FAM241B: variants seen among roughly 807,000 people sequenced by gnomAD.
FAM241B encodes the protein family with sequence similarity 241 member B.
A neutral mutation model predicts 9.3 loss-of-function variants in FAM241B; 7 were observed. The observed-to-expected ratio is 0.75, with a 90% CI of 0.43 to 1.41. FAM241B has a LOEUF of 1.41. Among genes scored for constraint, FAM241B ranks in the 40% most tolerant of loss-of-function variants. The probability of loss-of-function intolerance (pLI) is 0.01; values close to 1 mark genes in which losing one functional copy is unlikely to be tolerated. For missense variants in FAM241B, 136 were observed against 159.6 expected, an observed-to-expected ratio of 0.85 and a Z score of 0.80; for synonymous variants, 60 against 64.1, an observed-to-expected ratio of 0.94 and a Z score of 0.31.
chr10:69,630,903 T>C (rs748581051), intron 1 of FAM241B, among the ~76,000 whole-genome samples: 12 of 152,180 alleles, frequency 7.9e-5, no homozygotes, highest in Non-Finnish European at 1.5e-4. Context: ...AGGTGTGCTC[T>C]TCCGAGGCGC....
Position 69,632,973 on chromosome 10 carries a change from C to T in FAM241B, c.280C>T (p.Leu94Phe). ...HAVEPVTSILLLFLLMMLGVR... is the reference protein window; with the variant it reads ...HAVEPVTSILFLFLLMMLGVR... ...TGTGGAGCCGGTGACCTCCATCCTGCTCCTCTTCCTGCTCATGATGCTTGG... is the reference window on the plus strand; with the variant it reads ...TGTGGAGCCGGTGACCTCCATCCTGTTCCTCTTCCTGCTCATGATGCTTGG... The change falls in exon 4 of 4, where the codon CTC (leucine) becomes TTC (phenylalanine). Residue 94 changes from leucine (L) to phenylalanine (F), a missense_variant. Coordinates refer to ENST00000373279, the MANE Select transcript of FAM241B (RefSeq NM_145306.3). 6.2e-7 allele frequency: 1 copy of T among 1,614,138 alleles called. No individual in the cohort carries two copies. The highest frequency in any genetic ancestry group is 8.5e-7 in the Non-Finnish European group (1 of 1,179,968).
rs978953377 is a variant in FAM241B, at chr10:69,633,393, T to C, written c.*334T>C. ...AGATCTCAGCTGGATGCCAACATGTTCCGATGCCTGTGGAAGACATGCCGA... is the reference window on the plus strand; with the variant it reads ...AGATCTCAGCTGGATGCCAACATGTCCCGATGCCTGTGGAAGACATGCCGA... On this transcript the variant is annotated 3_prime_UTR_variant, in exon 4 of 4. Transcript: ENST00000373279. The C allele has an allele frequency of 5.7e-6, 2 of 353,312 alleles. No individual in the cohort carries two copies. The highest frequency in any genetic ancestry group is 4.5e-5 in the Admixed American group (1 of 22,326). The allele number at this position is 353,312 out of a possible 1,614,324, so 21.9% of individuals were successfully genotyped here.
In FAM241B at chr10:69,633,386, A is replaced by G. The variant is rs115307239; in HGVS notation, c.*327A>G. The G allele has an allele frequency of 8.3e-4, 310 of 371,744 alleles. 2 individuals carry two copies. The highest frequency in any genetic ancestry group is 6.0e-3 in the African/African-American group (294 of 48,826). The allele number at this position is 371,744 out of a possible 1,614,324, so 23.0% of individuals were successfully genotyped here. ...GCCGAGAAGATCTCAGCTGGATGCC[A>G]ACATGTTCCGATGCCTGTGGAAGAC... On this transcript the variant is annotated 3_prime_UTR_variant, in exon 4 of 4. Coordinates refer to ENST00000373279, the MANE Select transcript of FAM241B (RefSeq NM_145306.3).
At position 69,632,800 on chromosome 10, in the gene FAM241B, A is replaced by G. The variant is rs779021457; in HGVS notation, c.107A>G (p.Asn36Ser). 3.8e-5 allele frequency: 61 copies of G among 1,613,178 alleles called. No homozygotes were observed. In the Admixed American group the frequency reaches 3.8e-4, roughly 10 times the overall value. The change falls in exon 4 of 4, where the codon AAC becomes AGC. Residue 36 changes from asparagine to serine, a missense_variant. Asn to Ser is a conservative substitution (Grantham distance 46, BLOSUM62 1). Coordinates refer to ENST00000373279, the MANE Select transcript of FAM241B (RefSeq NM_145306.3). Reference sequence around the variant, plus strand: ...GTCTTCACATTCCAGAGCTTCTTCAACAGGGGCCATGGTGCTCCCCCAGGG... The same window carrying G: ...GTCTTCACATTCCAGAGCTTCTTCAGCAGGGGCCATGGTGCTCCCCCAGGG... ...RGSIPRQSFF[N>S]RGHGAPPGGP... is the part of the protein sequence containing the mutation.
At chr10:69,632,675 G>A (rs1839849715) in intron 3 of FAM241B, 115 bp from the exon 4 acceptor site, 2 of 1,193,054 alleles carry the variant, frequency 1.7e-6, no homozygotes, top group Admixed American at 2.4e-5. Context: ...GCTGAGAAAG[G>A]AGGGTGTGAC....
intron 3 of FAM241B, 77 bp from the exon 4 acceptor site, chr10:69,632,713 G>A: frequency 6.6e-7 from 1 of 1,506,602 alleles, no homozygotes. Flanking sequence ...AGGGCAGGAT[G>A]CAGCCTAGAG....
At position 69,633,191 on chromosome 10, in the gene FAM241B, T is replaced by G; in HGVS notation, c.*132T>G. The G allele has an allele frequency of 1.5e-6, 2 of 1,332,512 alleles. No individual in the cohort carries two copies. Among genetic ancestry groups the G allele is most frequent in the Admixed American group, 3.9e-5 (2 of 51,252 alleles). 82.5% of individuals were successfully genotyped at this position (1,332,512 alleles called of 1,614,324 possible). A position where few individuals can be genotyped will look rare whatever the true frequency, so the allele number is the denominator to read the frequency against. ...AGAGAGGGGACCACAGGTGTGTGTTTCCCCTTTGTGTTAAGCGTGAGGCAG... is the reference window on the plus strand; with the variant it reads ...AGAGAGGGGACCACAGGTGTGTGTTGCCCCTTTGTGTTAAGCGTGAGGCAG... On this transcript the variant is annotated 3_prime_UTR_variant, in exon 4 of 4. Transcript: ENST00000373279.
chr10:69,632,175 G>A (rs980630844), intron 3 of FAM241B, among the ~76,000 whole-genome samples: 1 of 152,042 alleles, frequency 6.6e-6, no homozygotes, highest in Non-Finnish European at 1.5e-5. Context: ...CATTTTAAAG[G>A]GGTGGCTGGG....
chr10:69,631,587 A>C (rs1049733900), intron 2 of FAM241B, 40 bp downstream of exon 2: 1 of 1,547,448 alleles, frequency 6.5e-7, no homozygotes, highest in Non-Finnish European at 8.7e-7. Context: ...TCAGGGGGAA[A>C]ATCCTCCACA....
chr10:69,631,946 G>T (rs1204511583), intron 3 of FAM241B, 107 bp downstream of exon 3: 2 of 971,154 alleles, frequency 2.1e-6, no homozygotes, highest in East Asian at 3.7e-5. Context: ...CTAGCCTGAA[G>T]CCCTCTTTGC....
rs774485331 is a variant in FAM241B at position 69,633,074 on chromosome 10, TA to T, written c.*16del. On this transcript the variant is annotated 3_prime_UTR_variant, in exon 4 of 4. Coordinates refer to ENST00000373279, the MANE Select transcript of FAM241B (RefSeq NM_145306.3). The stretch of plus-strand genomic sequence containing the variant: ...GTCAGCGGTGACCTCTGAGGGCTGA[TA>T]GGGGTGGGTTTGTTGAGAGGGACTT... 97 of 1,613,378 alleles carry T rather than the reference TA, an allele frequency of 6.0e-5. No homozygotes were observed. The African/African-American group carries it at 9.6e-4, about 16-fold the overall frequency.
At position 69,631,516 on chromosome 10, in the gene FAM241B, C is replaced by T; in HGVS notation, c.-67C>T. The T allele has an allele frequency of 1.3e-6, 2 of 1,538,986 alleles. No individual in the cohort carries two copies. The highest frequency in any genetic ancestry group is 1.8e-6 in the Non-Finnish European group (2 of 1,139,738). Reference sequence around the variant, plus strand: ...ACTCAGCGTGGGTCACCTCTGTGAACATCACTGACTGCAAGCCTCCCTCAA... The same window carrying T: ...ACTCAGCGTGGGTCACCTCTGTGAATATCACTGACTGCAAGCCTCCCTCAA... On this transcript the variant is annotated 5_prime_UTR_variant, in exon 2 of 4. Transcript: ENST00000373279.
In FAM241B at chr10:69,633,246, T is replaced by C. The variant is rs1839862911; in HGVS notation, c.*187T>C. 3 of 870,526 alleles carry C rather than the reference T, an allele frequency of 3.4e-6. No individual in the cohort carries two copies. The highest frequency in any genetic ancestry group is 5.2e-6 in the Non-Finnish European group (3 of 574,874). 53.9% of individuals were successfully genotyped at this position (870,526 alleles called of 1,614,324 possible). ...AGACGTTAGTCCAGCATTTCCAAAG[T>C]GTGGGTGGGTCCGTTGGTTCCCAAG... On this transcript the variant is annotated 3_prime_UTR_variant, in exon 4 of 4. Transcript: ENST00000373279.
At chr10:69,631,909 G>A (rs1839830748) in intron 3 of FAM241B, 70 bp downstream of exon 3, 12 of 1,549,146 alleles carry the variant, frequency 7.7e-6, no homozygotes, top group South Asian at 1.2e-5. Flanking sequence ...GCTTCCAGAA[G>A]TCTCTCTTGC....
At chr10:69,632,679 G>T in intron 3 of FAM241B, 111 bp from the exon 4 acceptor site, 1 of 1,239,426 alleles carries the variant, frequency 8.1e-7, no homozygotes, top group Non-Finnish European at 1.1e-6. Flanking sequence ...AGAAAGGAGG[G>T]TGTGACCCTG....
chr10:69,632,890 A>G lies in FAM241B; in HGVS notation c.197A>G (p.Asp66Gly). 1 of 1,614,064 alleles carries G rather than the reference A, an allele frequency of 6.2e-7. No individual in the cohort carries two copies. Among genetic ancestry groups the G allele is most frequent in the Non-Finnish European group, 8.5e-7 (1 of 1,179,986 alleles). The stretch of plus-strand genomic sequence containing the variant: ...GGTGCTGCTCAGTCCCCCTTCAATG[A>G]CCTCAACCGGCAGCTGGTGAACATG... ...RLGAAQSPFN[D>G]LNRQLVNMGF... The change falls in exon 4 of 4, where the codon GAC becomes GGC. Residue 66 changes from aspartate to glycine, a missense_variant. Asp to Gly is a moderately conservative substitution (Grantham distance 94). Coordinates refer to ENST00000373279, the MANE Select transcript of FAM241B (RefSeq NM_145306.3).
At chr10:69,631,618 C>T in intron 2 of FAM241B, 71 bp downstream of exon 2, 3 of 1,550,084 alleles carry the variant, frequency 1.9e-6, no homozygotes, top group Non-Finnish European at 2.6e-6. Flanking sequence ...AGTCTGGTCC[C>T]AGATCACTAA....
chr10:69,631,886 C>T, intron 3 of FAM241B, 47 bp downstream of exon 3: 1 of 1,570,974 alleles, frequency 6.4e-7, no homozygotes, highest in Non-Finnish European at 8.6e-7. Context: ...CTCCTGTGTA[C>T]TGGCTACTCC....
chr10:69,632,065 T>A (rs1839835234), intron 3 of FAM241B, among the ~76,000 whole-genome samples: 1 of 152,168 alleles, frequency 6.6e-6, no homozygotes, highest in South Asian at 2.1e-4. Flanking sequence ...TTAACTTGGT[T>A]AGCAAACCTC....
Sources: gnomAD v4.1 joint callset for allele counts (sites outside exome capture counted in the v4.1 genomes callset) on GRCh38, gnomAD v4.1.1 for gene constraint, MANE v1.5 for transcripts, NCBI Gene and HGNC (gene_info 2026-07-23, HGNC 2026-07-21) for gene names.